Variants in XKR4 observed in about 807,000 individuals in gnomAD.
XKR4 encodes XK related 4.
A neutral mutation model predicts 53.9 loss-of-function variants in XKR4; 12 were observed. The ratio of observed to expected loss-of-function variants is 0.22; its 90% CI spans 0.14 to 0.36. XKR4 has a LOEUF of 0.36. Ranked by LOEUF, XKR4 falls within the 10% of genes least tolerant of loss-of-function variation. XKR4 has a pLI of 1.00. For synonymous variants in XKR4, 354 were observed against 362.4 expected (o/e 0.98, Z 0.26); for missense variants, 799 against 859.5 (o/e 0.93, Z 0.88).
At chr8:55,299,814 C>T (rs1819158035) in intron 1 of XKR4, among the ~76,000 whole-genome samples, 1 of 152,090 alleles carries the variant, frequency 6.6e-6, no homozygotes, top group Non-Finnish European at 1.5e-5. Context: ...TCAGAAGAGG[C>T]TGAACACTGT....
intron 1 of XKR4, among the ~76,000 whole-genome samples, chr8:55,257,921 T>C (rs527491377): frequency 1.3e-5 from 2 of 152,318 alleles, no homozygotes; most frequent in Admixed American, 6.5e-5. Flanking sequence ...TGTTGGCTTC[T>C]TCCTGCCCCC....
At chr8:55,127,636 G>A in intron 1 of XKR4, among the ~76,000 whole-genome samples, 1 of 150,966 alleles carries the variant, frequency 6.6e-6, no homozygotes, top group Non-Finnish European at 1.5e-5. Flanking sequence ...CAACGTGCAG[G>A]TTTGTTACAT....
At chr8:55,184,955 T>C (rs1392297132) in intron 1 of XKR4, among the ~76,000 whole-genome samples, 1 of 152,208 alleles carries the variant, frequency 6.6e-6, no homozygotes, top group Non-Finnish European at 1.5e-5. Context: ...TAATATTCAA[T>C]AGTGAACATG....
chr8:55,507,826 T>C (rs1456867090), intron 2 of XKR4, among the ~76,000 whole-genome samples: 2 of 152,216 alleles, frequency 1.3e-5, no homozygotes, highest in Non-Finnish European at 2.9e-5. Flanking sequence ...CATGTGTCTT[T>C]ATAGCGGCAT....
chr8:55,457,448 A>G (rs1805587860), intron 2 of XKR4, among the ~76,000 whole-genome samples: 1 of 152,142 alleles, frequency 6.6e-6, no homozygotes, highest in African/African-American at 2.4e-5. Context: ...GGCTTTGCTG[A>G]ATATTTTTAA....
chr8:55,164,191 C>G (rs757859611), intron 1 of XKR4: 8 of 456,646 alleles, frequency 1.8e-5, no homozygotes, highest in Admixed American at 1.6e-4. Flanking sequence ...CAGGTTGCCT[C>G]GTCCGCCGCC....
intron 1 of XKR4, 33 bp from the exon 2 acceptor site, chr8:55,357,645 A>G (rs770746575): frequency 1.2e-6 from 2 of 1,609,398 alleles, no homozygotes; most frequent in South Asian, 1.1e-5. Flanking sequence ...ATCATCACTC[A>G]TCTCTTTCTT....
intron 1 of XKR4, among the ~76,000 whole-genome samples, chr8:55,221,021 T>A (rs1269170350): frequency 6.6e-6 from 1 of 152,228 alleles, no homozygotes; most frequent in Non-Finnish European, 1.5e-5. Context: ...CAAGAGATAC[T>A]TATTGTTCCT....
chr8:55,323,711 G>A (rs1159416202), intron 1 of XKR4, among the ~76,000 whole-genome samples: 1 of 152,210 alleles, frequency 6.6e-6, no homozygotes, highest in Non-Finnish European at 1.5e-5. Context: ...ATACCAAGAA[G>A]TGGGATTTCT....
intron 2 of XKR4, among the ~76,000 whole-genome samples, chr8:55,522,505 A>T (rs973104252): frequency 1.3e-5 from 2 of 152,196 alleles, no homozygotes; most frequent in Non-Finnish European, 2.9e-5. Context: ...GAATGCATAA[A>T]CTGTCTTTTG....
chr8:55,401,064 A>C (rs888094092), intron 2 of XKR4, among the ~76,000 whole-genome samples: 1 of 152,240 alleles, frequency 6.6e-6, no homozygotes, highest in African/African-American at 2.4e-5. Flanking sequence ...GGTCAAGTCC[A>C]GGTGACTGCC....
At chr8:55,261,800 A>C (rs936002521) in intron 1 of XKR4, among the ~76,000 whole-genome samples, 1 of 152,176 alleles carries the variant, frequency 6.6e-6, no homozygotes, top group Non-Finnish European at 1.5e-5. Context: ...TTGGTCATTA[A>C]TAGATCGAAG....
intron 1 of XKR4, among the ~76,000 whole-genome samples, chr8:55,115,381 T>TACAC (rs34839811): frequency 0.25 from 37,356 of 149,508 alleles, 5,124 homozygotes; most frequent in East Asian, 0.35. Flanking sequence ...GATAGGTGCA[T>TACAC]ACACACACAC....
At chr8:55,519,854 A>G (rs1265286457) in intron 2 of XKR4, among the ~76,000 whole-genome samples, 1 of 152,266 alleles carries the variant, frequency 6.6e-6, no homozygotes, top group South Asian at 2.1e-4. Flanking sequence ...TGGGTGAGAG[A>G]GAGAGACAGA....
chr8:55,480,520 C>T (rs1164946792), intron 2 of XKR4, among the ~76,000 whole-genome samples: 4 of 152,180 alleles, frequency 2.6e-5, no homozygotes, highest in Non-Finnish European at 4.4e-5. Flanking sequence ...CTCACTACTC[C>T]TATTCAACAT....
At chr8:55,456,846 G>T (rs899721014) in intron 2 of XKR4, among the ~76,000 whole-genome samples, 1 of 151,836 alleles carries the variant, frequency 6.6e-6, no homozygotes, top group Non-Finnish European at 1.5e-5. Flanking sequence ...GAGAAGGGAA[G>T]GGGAAAATAA....
chr8:55,165,103 T>C (rs1304071518), intron 1 of XKR4, among the ~76,000 whole-genome samples: 1 of 152,088 alleles, frequency 6.6e-6, no homozygotes, highest in African/African-American at 2.4e-5. Context: ...ACAATGAAAA[T>C]TCAGTATGCT....
chr8:55,259,821 T>G (rs952750186), intron 1 of XKR4, among the ~76,000 whole-genome samples: 2 of 152,136 alleles, frequency 1.3e-5, no homozygotes, highest in Admixed American at 1.3e-4. Context: ...TAATTAAACT[T>G]AATGAATCTA....
intron 1 of XKR4, among the ~76,000 whole-genome samples, chr8:55,268,175 C>G (rs1818637479): frequency 6.6e-6 from 1 of 152,134 alleles, no homozygotes; most frequent in South Asian, 2.1e-4. Context: ...ACATTATGCT[C>G]TATCTTCACG....
Sources: allele counts gnomAD v4.1 joint callset (sites outside exome capture counted in the v4.1 genomes callset), GRCh38; gene constraint gnomAD v4.1.1; transcripts MANE v1.5; gene names NCBI Gene and HGNC (gene_info 2026-07-23, HGNC 2026-07-21).